Variants in TGFBR2 observed in about 807,000 individuals in gnomAD.
TGFBR2 encodes TGF-beta receptor type-2.
TGFBR2 carries 18 observed loss-of-function variants against 49.0 expected under a neutral mutation model. The observed-to-expected ratio is 0.37, with a 90% CI of 0.25 to 0.54. TGFBR2 has a LOEUF of 0.54. Among genes scored for constraint, TGFBR2 ranks in the 20% least tolerant of loss-of-function variants. The pLI is 0.85. For synonymous variants in TGFBR2, 282 were observed against 275.9 expected, an observed-to-expected ratio of 1.02 and a Z score of -0.22; for missense variants, 525 against 722.6, an observed-to-expected ratio of 0.73 and a Z score of 3.13.
chr3:30,620,380 A>AT lies in TGFBR2; in HGVS notation c.94+13412dup, dbSNP rs199649495. On this transcript the variant is annotated intron_variant, in intron 1 of 6. Coordinates refer to ENST00000295754, the MANE Select transcript of TGFBR2 (RefSeq NM_003242.6). Reference sequence around the variant, plus strand: ...TTTTAGATCCAAGGCGGGGAGTGCTATTTTTTTTTCTCCCAGATGGCTTTT... The same window carrying AT: ...TTTTAGATCCAAGGCGGGGAGTGCTATTTTTTTTTTCTCCCAGATGGCTTTT... Among the ~76,000 whole-genome samples the AT allele has an allele frequency of 6.3e-3, 948 of 150,342 alleles. 12 individuals are homozygous for AT. The highest frequency in any genetic ancestry group is 0.022 in the African/African-American group (914 of 40,938).
chr3:30,671,217 C>A (rs1699330659), intron 3 of TGFBR2, among the ~76,000 whole-genome samples: 1 of 152,156 alleles, frequency 6.6e-6, no homozygotes, highest in African/African-American at 2.4e-5. Flanking sequence ...ATGGTACCTT[C>A]CAGCATGGAG....
At chr3:30,619,513 GA>G (rs930687402) in intron 1 of TGFBR2, among the ~76,000 whole-genome samples, 1 of 152,086 alleles carries the variant, frequency 6.6e-6, no homozygotes, top group African/African-American at 2.4e-5. Flanking sequence ...GTGCTGATGG[GA>G]CACAGGACCA....
chr3:30,623,144 A>G (rs1181953082), intron 1 of TGFBR2: 3 of 918,404 alleles, frequency 3.3e-6, no homozygotes, highest in African/African-American at 3.3e-5. Flanking sequence ...CTTTCCTGTC[A>G]TCTGTAATTT....
chr3:30,647,638 C>A (rs1698769315), intron 2 of TGFBR2, among the ~76,000 whole-genome samples: 1 of 151,834 alleles, frequency 6.6e-6, no homozygotes, highest in South Asian at 2.1e-4. Context: ...GCTTAAGCTG[C>A]CTCCAAGGAT....
chr3:30,633,333 A>T (rs1444117329), intron 1 of TGFBR2, among the ~76,000 whole-genome samples: 1 of 152,238 alleles, frequency 6.6e-6, no homozygotes, highest in Non-Finnish European at 1.5e-5. Flanking sequence ...AATCATGATC[A>T]TGGTAATAAT....
chr3:30,650,547 C>G, intron 3 of TGFBR2, 87 bp downstream of exon 3: 1 of 1,391,380 alleles, frequency 7.2e-7, no homozygotes, highest in Non-Finnish European at 1.0e-6. Flanking sequence ...GAGCACATTC[C>G]TCCTGTGGTG....
chr3:30,652,243 T>G (rs948783902), intron 3 of TGFBR2, among the ~76,000 whole-genome samples: 3 of 145,520 alleles, frequency 2.1e-5, no homozygotes, highest in Non-Finnish European at 4.5e-5. Flanking sequence ...TTTTTTTTTT[T>G]TTTTTTTTTT....
chr3:30,633,388 C>T (rs979329410), intron 1 of TGFBR2, among the ~76,000 whole-genome samples: 4 of 152,162 alleles, frequency 2.6e-5, no homozygotes, highest in Non-Finnish European at 4.4e-5. Context: ...TAGATGTCCT[C>T]TGGCCTTGAA....
intron 1 of TGFBR2, among the ~76,000 whole-genome samples, chr3:30,631,080 C>T (rs1000169819): frequency 2.2e-5 from 3 of 134,044 alleles, no homozygotes; most frequent in African/African-American, 8.5e-5. Flanking sequence ...CTTGCTCTGT[C>T]GTAAGGCTGG....
Position 30,619,995 on chromosome 3 carries a change from C to A in TGFBR2, c.94+13018C>A, listed in dbSNP as rs556520848. Among the ~76,000 whole-genome samples, 6 of 152,060 alleles carry A rather than the reference C, an allele frequency of 3.9e-5. No homozygotes were observed. The South Asian group carries it at 1.2e-3, about 31-fold the overall frequency. ...GAAGTCAGGAGATCGAGACCATCCT[C>A]GCTAACACGATGAAACCCTGTCTCT... On this transcript the variant is annotated intron_variant, in intron 1 of 6. Coordinates refer to ENST00000295754, the MANE Select transcript of TGFBR2 (RefSeq NM_003242.6).
At chr3:30,637,722 G>A (rs531570185) in intron 1 of TGFBR2, among the ~76,000 whole-genome samples, 6 of 152,186 alleles carry the variant, frequency 3.9e-5, no homozygotes, top group East Asian at 1.9e-4. Context: ...TAGTCGTTGC[G>A]TTGTGTTCCT....
intron 1 of TGFBR2, among the ~76,000 whole-genome samples, chr3:30,622,645 G>T (rs1275421811): frequency 6.6e-6 from 1 of 152,076 alleles, no homozygotes; most frequent in African/African-American, 2.4e-5. Context: ...ACTTTGGGAG[G>T]CCGAGGCAGG....
At chr3:30,674,324 C>A in intron 5 of TGFBR2, 78 bp downstream of exon 5, 1 of 1,565,156 alleles carries the variant, frequency 6.4e-7, no homozygotes, top group Non-Finnish European at 8.8e-7. Flanking sequence ...GAGCATTATT[C>A]CAGGGGTTAC....
At chr3:30,642,961 G>T (rs1462954607) in intron 1 of TGFBR2, among the ~76,000 whole-genome samples, 2 of 152,168 alleles carry the variant, frequency 1.3e-5, no homozygotes, top group Admixed American at 6.5e-5. Context: ...TGAACTTGAG[G>T]CCCGAGAGGG....
At chr3:30,625,881 C>T (rs1181568128) in intron 1 of TGFBR2, among the ~76,000 whole-genome samples, 1 of 152,204 alleles carries the variant, frequency 6.6e-6, no homozygotes, top group Non-Finnish European at 1.5e-5. Context: ...TCCAGTACTA[C>T]CATGCCCCAT....
chr3:30,653,499 G>A (rs141503598), intron 3 of TGFBR2, among the ~76,000 whole-genome samples: 1 of 152,116 alleles, frequency 6.6e-6, no homozygotes, highest in African/African-American at 2.4e-5. Flanking sequence ...TGATCCACCT[G>A]CCTCAGCCTC....
intron 1 of TGFBR2, among the ~76,000 whole-genome samples, chr3:30,626,202 T>TTTC (rs1698328406): frequency 6.6e-6 from 1 of 152,210 alleles, no homozygotes; most frequent in African/African-American, 2.4e-5. Context: ...AAGTACTTGA[T>TTTC]TTCCCACAGC....
chr3:30,639,649 A>G (rs1698608389), intron 1 of TGFBR2, among the ~76,000 whole-genome samples: 1 of 152,180 alleles, frequency 6.6e-6, no homozygotes, highest in Non-Finnish European at 1.5e-5. Flanking sequence ...ATTCTTTGAG[A>G]TGTTATTTAA....
chr3:30,677,642 T>A (rs111784333), intron 5 of TGFBR2, among the ~76,000 whole-genome samples: 6 of 152,364 alleles, frequency 3.9e-5, no homozygotes, highest in African/African-American at 1.4e-4. Flanking sequence ...TTCAGCCTAG[T>A]CTTAGTTTCA....
Sources: gnomAD v4.1 joint callset for allele counts (sites outside exome capture counted in the v4.1 genomes callset) on GRCh38, gnomAD v4.1.1 for gene constraint, MANE v1.5 for transcripts, NCBI Gene and HGNC (gene_info 2026-07-23, HGNC 2026-07-21) for gene names.